The following RPIA variants were observed in gnomAD, a reference collection of about 807,000 sequenced individuals.
The protein encoded by RPIA is ribose-5-phosphate isomerase.
A neutral mutation model predicts 37.8 loss-of-function variants in RPIA; 29 were observed. The ratio of observed to expected loss-of-function variants is 0.77; its 90% confidence interval spans 0.57 to 1.05. RPIA has a LOEUF of 1.05. RPIA is among the 50% of genes least tolerant of loss of function. The probability of loss-of-function intolerance (pLI) is 0.00; values close to 1 mark genes in which losing one functional copy is unlikely to be tolerated. For synonymous variants in RPIA, 167 were observed against 157.0 expected (o/e 1.06, Z -0.48); for missense variants, 385 against 413.6 (o/e 0.93, Z 0.60).
At position 88,699,992 on chromosome 2, in the gene RPIA, G is replaced by A. The variant is rs755394316; in HGVS notation, c.347-17G>A. On this transcript the variant is annotated splice_polypyrimidine_tract_variant and intron_variant, in intron 2 of 8. Coordinates refer to ENST00000283646, the MANE Select transcript of RPIA (RefSeq NM_144563.3). ...AAGGAGAGTGAAAAACTGCCAATAT[G>A]GCTTTTGTTTCCACAGCTGAAAGGG... 8.1e-6 allele frequency: 13 copies of A among 1,613,916 alleles called. No homozygotes were observed. The highest frequency in any genetic ancestry group is 1.1e-5 in the Non-Finnish European group (13 of 1,179,878).
At chr2:88,727,815 C>T (rs1269570459) in intron 3 of RPIA, among the ~76,000 whole-genome samples, 7 of 152,132 alleles carry the variant, frequency 4.6e-5, no homozygotes, top group Admixed American at 3.9e-4. Context: ...TGCTGTTTTC[C>T]TTTTCAGCAT....
intron 3 of RPIA, among the ~76,000 whole-genome samples, chr2:88,721,379 ATAAAT>A (rs1482401516): frequency 6.7e-6 from 1 of 150,252 alleles, no homozygotes; most frequent in African/African-American, 2.4e-5. Flanking sequence ...AAAAAAGAAA[ATAAAT>A]TTAATAATTA....
chr2:88,748,242 C>A (rs1253456565), intron 8 of RPIA, among the ~76,000 whole-genome samples: 1 of 152,164 alleles, frequency 6.6e-6, no homozygotes, highest in Non-Finnish European at 1.5e-5. Flanking sequence ...CTGTTTCCTG[C>A]CTTGCCTGTC....
Position 88,736,661 on chromosome 2 carries a change from G to T in RPIA, c.723G>T (p.Met241Ile), listed in dbSNP as rs370496588. 2.5e-6 allele frequency: 4 copies of T among 1,613,336 alleles called. No individual in the cohort carries two copies. In the South Asian group the frequency reaches 4.4e-5, roughly 18 times the overall value. The change falls in exon 7 of 9, where the codon ATG becomes ATT. Residue 241 changes from methionine to isoleucine, a missense_variant. By Grantham distance (10) the Met-to-Ile change is conservative. Transcript: ENST00000283646. ...TTGGGGGCGTGGTTGAACTTCGAATGGCTGTCAACAAGGCTGTGAGTGGCC... is the reference window on the plus strand; with the variant it reads ...TTGGGGGCGTGGTTGAACTTCGAATTGCTGTCAACAAGGCTGTGAGTGGCC... ...QKFGGVVELR[M>I]AVNKAGPVVT...
rs1364317125 is a variant in RPIA, at chr2:88,709,256, T to C, written c.402+9192T>C. 2.6e-5 allele frequency among the ~76,000 whole-genome samples: 4 copies of C among 152,360 alleles called. No individual in the cohort carries two copies. In the East Asian group the frequency reaches 7.7e-4, roughly 29 times the overall value. ...GGAATTATTTGCTTCGACGATATTT[T>C]CCTCCTGCGTGTGCTATGACTCTTC... On this transcript the variant is annotated intron_variant, in intron 3 of 8. Coordinates refer to ENST00000283646, the MANE Select transcript of RPIA (RefSeq NM_144563.3).
intron 3 of RPIA, among the ~76,000 whole-genome samples, chr2:88,719,488 T>A (rs1673093245): frequency 6.6e-6 from 1 of 152,154 alleles, no homozygotes; most frequent in Non-Finnish European, 1.5e-5. Context: ...AAGGATTAAT[T>A]AGGTCAGAAA....
rs1673236190 is a variant in RPIA at position 88,729,282 on chromosome 2, G to A, written c.407G>A (p.Arg136His). 3 of 1,613,944 alleles carry A rather than the reference G, an allele frequency of 1.9e-6. No homozygotes were observed. The highest frequency in any genetic ancestry group is 2.5e-6 in the Non-Finnish European group (3 of 1,179,972). Residue 136 changes from arginine (R) to histidine (H), a missense_variant, in exon 4 of 9, where the codon CGC (arginine) becomes CAC (histidine). By Grantham distance (29) the Arg-to-His change is conservative. This residue lies in a region of RPIA where 232 missense variants were observed against 203.0 expected (regional missense o/e 1.14). Transcript: ENST00000283646. ...LVCIPTSFQARQLILQYGLTL... is the reference protein window; with the variant it reads ...LVCIPTSFQAHQLILQYGLTL... ...GCTCTTCCCTGTCCTCCGCAGGCCCGCCAGCTCATCCTGCAGTATGGCTTG... is the reference window on the plus strand; with the variant it reads ...GCTCTTCCCTGTCCTCCGCAGGCCCACCAGCTCATCCTGCAGTATGGCTTG...
At chr2:88,713,073 G>T (rs1406495388) in intron 3 of RPIA, among the ~76,000 whole-genome samples, 1 of 113,656 alleles carries the variant, frequency 8.8e-6, no homozygotes, top group Admixed American at 1.1e-4. Context: ...GTTTCACTAT[G>T]TTGGCCATGA....
chr2:88,695,453 C>T (rs1672720680), intron 1 of RPIA, among the ~76,000 whole-genome samples: 1 of 152,142 alleles, frequency 6.6e-6, no homozygotes, highest in African/African-American at 2.4e-5. Flanking sequence ...GGAGAAATCC[C>T]CATACATTTG....
intron 3 of RPIA, among the ~76,000 whole-genome samples, chr2:88,702,758 C>G (rs1465214458): frequency 2.6e-5 from 4 of 152,206 alleles, no homozygotes; most frequent in African/African-American, 4.8e-5. Flanking sequence ...ATTTCAAAAC[C>G]AATTATGCCT....
intron 2 of RPIA, among the ~76,000 whole-genome samples, chr2:88,699,383 G>C (rs929946756): frequency 6.6e-6 from 1 of 151,240 alleles, no homozygotes; most frequent in Admixed American, 6.6e-5. Context: ...ATTTTAATAC[G>C]AATTTTTTCC....
chr2:88,748,818 C>G (rs1673468199), intron 8 of RPIA, among the ~76,000 whole-genome samples: 1 of 152,146 alleles, frequency 6.6e-6, no homozygotes, highest in Non-Finnish European at 1.5e-5. Context: ...TCAGGCGATT[C>G]TCCCACCTCA....
chr2:88,691,726 C>A lies in RPIA; in HGVS notation c.28C>A (p.Leu10Ile). Reference sequence around the variant, plus strand: ...GCAGCGCCCCGGGCCCTTCAGCACCCTCTACGGGCGGGTCTTGGCCCCGCT... The same window carrying A: ...GCAGCGCCCCGGGCCCTTCAGCACCATCTACGGGCGGGTCTTGGCCCCGCT... MQRPGPFST[L>I]YGRVLAPLPG... Residue 10 changes from leucine to isoleucine, a missense_variant, in exon 1 of 9, where the codon CTC (leucine) becomes ATC (isoleucine). This residue lies in a region of RPIA where 232 missense variants were observed against 203.0 expected (regional missense o/e 1.14). Transcript: ENST00000283646. 1 of 1,592,850 alleles carries A rather than the reference C, an allele frequency of 6.3e-7. No individual in the cohort carries two copies. The highest frequency in any genetic ancestry group is 8.5e-7 in the Non-Finnish European group (1 of 1,174,916).
At chr2:88,743,350 A>C (rs1374110583) in intron 8 of RPIA, among the ~76,000 whole-genome samples, 3 of 152,124 alleles carry the variant, frequency 2.0e-5, no homozygotes, top group African/African-American at 7.2e-5. Flanking sequence ...GTTGACTTGC[A>C]TATGTTAAAC....
intron 3 of RPIA, among the ~76,000 whole-genome samples, chr2:88,713,326 A>G (rs1236832697): frequency 6.6e-6 from 1 of 151,616 alleles, no homozygotes; most frequent in African/African-American, 2.4e-5. Flanking sequence ...ACACCTGGCT[A>G]AGAAAATATC....
At chr2:88,738,167 G>C in intron 8 of RPIA, 91 bp downstream of exon 8, 1 of 891,360 alleles carries the variant, frequency 1.1e-6, no homozygotes, top group Non-Finnish European at 1.9e-6. Context: ...AATGGACATG[G>C]GCTTTGTAAG....
intron 3 of RPIA, among the ~76,000 whole-genome samples, chr2:88,720,715 A>G (rs1673110124): frequency 1.3e-5 from 2 of 152,022 alleles, no homozygotes; most frequent in Admixed American, 6.6e-5. Context: ...TCAGGAAACA[A>G]CAGATGCTGG....
chr2:88,692,708 C>A (rs1274174563), intron 1 of RPIA, among the ~76,000 whole-genome samples: 1 of 152,016 alleles, frequency 6.6e-6, no homozygotes, highest in Non-Finnish European at 1.5e-5. Context: ...AATAAGGAAG[C>A]CAAGTGGAGT....
At chr2:88,740,903 T>G (rs1000217257) in intron 8 of RPIA, among the ~76,000 whole-genome samples, 1 of 152,190 alleles carries the variant, frequency 6.6e-6, no homozygotes, top group African/African-American at 2.4e-5. Flanking sequence ...GCTACTTTGC[T>G]CATCTTTGGA....
Sources: gnomAD v4.1 joint callset for allele counts (sites outside exome capture counted in the v4.1 genomes callset) on GRCh38, gnomAD v4.1.1 for gene constraint, gnomAD v4.1.1 regional missense constraint, MANE v1.5 for transcripts, NCBI Gene and HGNC (gene_info 2026-07-23, HGNC 2026-07-21) for gene names.